The following ZC3H7A variants were observed in gnomAD, a reference collection of about 807,000 sequenced individuals.
ZC3H7A encodes the protein zinc finger CCCH-type containing 7A.
Under a neutral mutation model 125.5 loss-of-function variants are expected in ZC3H7A, and 44 were observed. The ratio of observed to expected loss-of-function variants is 0.35; its 90% CI spans 0.28 to 0.45. The LOEUF (loss-of-function observed/expected upper bound fraction) is 0.45, where lower values mean the gene tolerates loss of function less well. Ranked by LOEUF, ZC3H7A falls within the 20% of genes least tolerant of loss-of-function variation. The probability of loss-of-function intolerance (pLI) is 1.00; values close to 1 mark genes in which losing one functional copy is unlikely to be tolerated. For missense variants in ZC3H7A, 977 were observed against 1,170.7 expected, an observed-to-expected ratio of 0.83 and a Z score of 2.41; for synonymous variants, 399 against 391.2, an observed-to-expected ratio of 1.02 and a Z score of -0.23.
chr16:11,783,988 G>C (rs946790639), intron 1 of ZC3H7A, among the ~76,000 whole-genome samples: 5 of 130,936 alleles, frequency 3.8e-5, no homozygotes, highest in Admixed American at 1.8e-4. Flanking sequence ...AAAAAGGGGG[G>C]GGCTGTGAGG....
intron 1 of ZC3H7A, among the ~76,000 whole-genome samples, chr16:11,785,211 C>G (rs768684877): frequency 1.3e-5 from 2 of 151,854 alleles, no homozygotes; most frequent in African/African-American, 4.8e-5. Context: ...TGGTGGCATG[C>G]ACCTGTAGTC....
At chr16:11,770,714 T>C (rs1030701575) in intron 10 of ZC3H7A, 69 bp downstream of exon 10, 112 of 1,411,208 alleles carry the variant, frequency 7.9e-5, no homozygotes, top group Non-Finnish European at 9.5e-5. Flanking sequence ...AGTTAAATAA[T>C]TGCCAAACAA....
At chr16:11,787,348 T>C (rs1423690561) in intron 1 of ZC3H7A, among the ~76,000 whole-genome samples, 5 of 152,128 alleles carry the variant, frequency 3.3e-5, no homozygotes, top group Non-Finnish European at 1.5e-5. Context: ...CTCTACAAAG[T>C]TCCTTCATGC....
At chr16:11,780,156 C>G (rs1223021098) in intron 3 of ZC3H7A, among the ~76,000 whole-genome samples, 12 of 145,736 alleles carry the variant, frequency 8.2e-5, no homozygotes, top group Non-Finnish European at 1.5e-4. Context: ...GAGTCTTACT[C>G]TGGCACCCAG....
At chr16:11,766,149 G>A (rs140428938) in intron 13 of ZC3H7A, among the ~76,000 whole-genome samples, 1 of 151,686 alleles carries the variant, frequency 6.6e-6, no homozygotes, top group East Asian at 1.9e-4. Context: ...ACACAAACTT[G>A]TTTGACAAAC....
intron 19 of ZC3H7A, among the ~76,000 whole-genome samples, chr16:11,760,558 C>T (rs2052736695): frequency 1.3e-5 from 2 of 152,180 alleles, no homozygotes; most frequent in South Asian, 4.1e-4. Context: ...CTCCTTCTTG[C>T]AGTTCAGAGA....
At position 11,774,436 on chromosome 16, in the gene ZC3H7A, C is replaced by G; in HGVS notation, c.703G>C (p.Ala235Pro). The G allele has an allele frequency of 6.2e-7, 1 of 1,606,032 alleles. No homozygotes were observed. Among genetic ancestry groups the G allele is most frequent in the Non-Finnish European group, 8.5e-7 (1 of 1,174,538 alleles). ...GTTAAGGGCATAACAGGAACTGAGG[C>G]CAGCTCACTTCCAACTTCATGAGAA... ...SFSHEVGSEL[A>P]SVPVMPLTSI... Residue 235 changes from alanine to proline, a missense_variant, in exon 9 of 23, where the codon GCC becomes CCC. Physicochemically the swap from Ala to Pro is conservative, Grantham distance 27. Transcript: ENST00000355758.
At chr16:11,789,444 G>C (rs2053314484) in intron 1 of ZC3H7A, among the ~76,000 whole-genome samples, 1 of 151,884 alleles carries the variant, frequency 6.6e-6, no homozygotes, top group African/African-American at 2.4e-5. Context: ...TGTAGAGATG[G>C]GGTTTCACCA....
rs1011930342 is a variant in ZC3H7A, at chr16:11,770,656, T to C, written c.1108+127A>G. Reference sequence around the variant, plus strand: ...TTCAAAACTGAAGGCTTAGTCTTTATATTTTTAGCTACAAAGAAAATAATT... The same window carrying C: ...TTCAAAACTGAAGGCTTAGTCTTTACATTTTTAGCTACAAAGAAAATAATT... On this transcript the variant is annotated intron_variant, in intron 10 of 22. Coordinates refer to ENST00000355758, the MANE Select transcript of ZC3H7A (RefSeq NM_014153.4). 2.9e-5 allele frequency: 28 copies of C among 961,998 alleles called. No homozygotes were observed. In the East Asian group the frequency reaches 3.4e-4, roughly 12 times the overall value. The allele number at this position is 961,998 out of a possible 1,614,324, so 59.6% of individuals were successfully genotyped here. A position where few individuals can be genotyped will look rare whatever the true frequency, so the allele number is the denominator to read the frequency against.
intron 1 of ZC3H7A, among the ~76,000 whole-genome samples, chr16:11,790,163 C>T (rs1053160726): frequency 9.4e-5 from 14 of 149,534 alleles, no homozygotes; most frequent in African/African-American, 1.5e-4. Flanking sequence ...TGACACAATA[C>T]ACCAAATGAT....
chr16:11,795,086 C>T (rs1290479700), intron 1 of ZC3H7A, among the ~76,000 whole-genome samples: 1 of 152,198 alleles, frequency 6.6e-6, no homozygotes, highest in African/African-American at 2.4e-5. Context: ...CATCCTGAGA[C>T]AAACCTCATA....
chr16:11,781,755 C>G (rs929692854), intron 2 of ZC3H7A, among the ~76,000 whole-genome samples: 2 of 151,628 alleles, frequency 1.3e-5, no homozygotes, highest in African/African-American at 4.9e-5. Context: ...TCTTCAACTG[C>G]CAAAAAAGAG....
At position 11,763,521 on chromosome 16, in the gene ZC3H7A, A is replaced by G. The variant is rs895017528; in HGVS notation, c.1959T>C (p.His653=). The change falls in exon 16 of 23, where the codon CAT becomes CAC. Residue 653 remains histidine, a synonymous_variant. Transcript: ENST00000355758. ...CLREDECFYA[H]SLVELKVWIM... ...TCCAGACTTTCAGTTCCACAAGACT[A>G]TGGGCATAAAAGCACTCATCTTCCC... 2.5e-6 allele frequency: 4 copies of G among 1,608,998 alleles called. No homozygotes were observed. The highest frequency in any genetic ancestry group is 1.6e-4 in the Middle Eastern group (1 of 6,076).
At position 11,788,616 on chromosome 16, in the gene ZC3H7A, C is replaced by CT. The variant is rs1456172023; in HGVS notation, c.-34-6229dup. Among the ~76,000 whole-genome samples, 834 of 141,492 alleles carry CT rather than the reference C, an allele frequency of 5.9e-3. 2 individuals carry two copies. Among genetic ancestry groups the CT allele is most frequent in the African/African-American group, 0.014 (528 of 38,932 alleles). 92.8% of individuals were successfully genotyped at this position (141,492 alleles called of 152,430 possible). A position where few individuals can be genotyped will look rare whatever the true frequency, so the allele number is the denominator to read the frequency against. On this transcript the variant is annotated intron_variant, in intron 1 of 22. Transcript: ENST00000355758. ...ATATATTGCTTTCTTTTTTTTCTTT[C>CT]TTTTTTTTTTTTTTTGAGACGCAGT...
Position 11,750,809 on chromosome 16 carries a change from C to G in ZC3H7A, c.*508G>C, listed in dbSNP as rs1212653590. On this transcript the variant is annotated 3_prime_UTR_variant, in exon 23 of 23. Coordinates refer to ENST00000355758, the MANE Select transcript of ZC3H7A (RefSeq NM_014153.4). Reference sequence around the variant, plus strand: ...AAATACAGAAAAATACCCCATTTAACAAATACTAGTGTTAAATGGTTATTT... The same window carrying G: ...AAATACAGAAAAATACCCCATTTAAGAAATACTAGTGTTAAATGGTTATTT... 6.6e-6 allele frequency: 1 copy of G among 152,610 alleles called. No individual in the cohort carries two copies. The highest frequency in any genetic ancestry group is 1.5e-5 in the Non-Finnish European group (1 of 68,050). The allele number at this position is 152,610 out of a possible 1,614,324, so 9.5% of individuals were successfully genotyped here.
At chr16:11,753,505 G>A (rs1052488052) in intron 21 of ZC3H7A, among the ~76,000 whole-genome samples, 2 of 152,046 alleles carry the variant, frequency 1.3e-5, no homozygotes, top group East Asian at 3.8e-4. Context: ...ATGGTGGTGC[G>A]ATCATAGCTC....
intron 12 of ZC3H7A, 113 bp from the exon 13 acceptor site, chr16:11,767,691 G>T (rs1330500639): frequency 2.7e-6 from 3 of 1,091,098 alleles, no homozygotes; most frequent in Admixed American, 6.2e-5. Flanking sequence ...AATTCCCACA[G>T]AAATCCCACT....
chr16:11,754,430 A>AGAC (rs1249951307), intron 21 of ZC3H7A, among the ~76,000 whole-genome samples: 1 of 151,782 alleles, frequency 6.6e-6, no homozygotes, highest in Non-Finnish European at 1.5e-5. Context: ...ACAAGCAGAG[A>AGAC]GACGCTGGGC....
chr16:11,769,502 G>A (rs2052932006), intron 10 of ZC3H7A, among the ~76,000 whole-genome samples: 1 of 151,692 alleles, frequency 6.6e-6, no homozygotes, highest in Admixed American at 6.6e-5. Flanking sequence ...GAGGTCAGGA[G>A]TTTGAGACCA....
Sources: gnomAD v4.1 joint callset for allele counts (sites outside exome capture counted in the v4.1 genomes callset) on GRCh38, gnomAD v4.1.1 for gene constraint, MANE v1.5 for transcripts, NCBI Gene and HGNC (gene_info 2026-07-23, HGNC 2026-07-21) for gene names.